Variants in KCNK12 observed in about 807,000 individuals in gnomAD.
KCNK12 encodes the protein potassium channel subfamily K member 12.
Under a neutral mutation model 25.3 loss-of-function variants are expected in KCNK12, and 6 were observed. The observed-to-expected ratio is 0.24, with a 90% CI of 0.13 to 0.47. The LOEUF is 0.47. KCNK12 is among the 20% of genes least tolerant of loss of function. The pLI is 0.99. For missense variants in KCNK12, 444 were observed against 661.7 expected, an observed-to-expected ratio of 0.67 and a Z score of 3.61; for synonymous variants, 331 against 311.1, an observed-to-expected ratio of 1.06 and a Z score of -0.67.
In KCNK12 at chr2:47,569,511, G is replaced by C. The variant is rs1669845439; in HGVS notation, c.391+430C>G. ...AGAAAACAGGGTAAAAGAAGAAAGCGGGGGAGACTATGAAAAGAAATAAAA... is the reference window on the plus strand; with the variant it reads ...AGAAAACAGGGTAAAAGAAGAAAGCCGGGGAGACTATGAAAAGAAATAAAA... On this transcript the variant is annotated intron_variant, in intron 1 of 1. Coordinates refer to ENST00000327876, the MANE Select transcript of KCNK12 (RefSeq NM_022055.2). The surrounding 1 kb of genome is among the most constrained non-coding windows in gnomAD (Gnocchi z 4.1). Among the ~76,000 whole-genome samples the C allele has an allele frequency of 6.6e-6, 1 of 152,080 alleles. No homozygotes were observed. The highest frequency in any genetic ancestry group is 1.5e-5 in the Non-Finnish European group (1 of 68,010).
In KCNK12 at chr2:47,528,536, G is replaced by A. The variant is rs1030285409; in HGVS notation, c.392-6728C>T. 9.2e-5 allele frequency among the ~76,000 whole-genome samples: 14 copies of A among 152,170 alleles called. No homozygotes were observed. Among genetic ancestry groups the A allele is most frequent in the African/African-American group, 3.1e-4 (13 of 41,448 alleles). On this transcript the variant is annotated intron_variant, in intron 1 of 1. Coordinates refer to ENST00000327876, the MANE Select transcript of KCNK12 (RefSeq NM_022055.2). The surrounding 1 kb of genome is among the most constrained non-coding windows in gnomAD (Gnocchi z 4.5). ...TGGGGAGCCAAGCTGCTCTGGAGAG[G>A]GGCCTCAAAGCTTCAGCCAGAGAAA...
rs1668359913 is a variant in KCNK12, at chr2:47,509,944, T to C, written c.*10963A>G. 1 of 152,180 alleles carries C rather than the reference T, an allele frequency of 6.6e-6. No individual in the cohort carries two copies. The highest frequency in any genetic ancestry group is 6.5e-5 in the Admixed American group (1 of 15,274). The allele number at this position is 152,180 out of a possible 1,614,324, so 9.4% of individuals were successfully genotyped here. A position where few individuals can be genotyped will look rare whatever the true frequency, so the allele number is the denominator to read the frequency against. ...GGGGAGGCAGCAGGAACTGTAGGCA[T>C]TCTCACTTCACACCCATCCCAATCC... is the stretch of plus-strand genomic sequence containing the variant. On this transcript the variant is annotated 3_prime_UTR_variant, in exon 2 of 2. Coordinates refer to ENST00000327876, the MANE Select transcript of KCNK12 (RefSeq NM_022055.2).
chr2:47,537,336 CTT>C (rs5830962), intron 1 of KCNK12, among the ~76,000 whole-genome samples: 1 of 146,670 alleles, frequency 6.8e-6, no homozygotes. Context: ...GATTTTCTTT[CTT>C]TTTTTTTTTT....
Position 47,511,439 on chromosome 2 carries a change from A to C in KCNK12, c.*9468T>G, listed in dbSNP as rs367587544. ...TTGGACCAATGCTCTCATGTGTGCAAATACATGTATTCTAAAGAAATCTGT... is the reference window on the plus strand; with the variant it reads ...TTGGACCAATGCTCTCATGTGTGCACATACATGTATTCTAAAGAAATCTGT... On this transcript the variant is annotated 3_prime_UTR_variant, in exon 2 of 2. Transcript: ENST00000327876. This position sits in a 1 kb window ranked among gnomAD's most constrained non-coding sequence, Gnocchi z 4.3. Among the ~76,000 whole-genome samples the C allele has an allele frequency of 6.6e-6, 1 of 152,332 alleles. No individual in the cohort carries two copies. The highest frequency in any genetic ancestry group is 6.5e-5 in the Admixed American group (1 of 15,302).
chr2:47,539,305 T>C (rs1266951263), intron 1 of KCNK12, among the ~76,000 whole-genome samples: 1 of 152,228 alleles, frequency 6.6e-6, no homozygotes, highest in Non-Finnish European at 1.5e-5. Flanking sequence ...TGAGGGTGTA[T>C]CAGTTTGTGT....
intron 1 of KCNK12, among the ~76,000 whole-genome samples, chr2:47,552,719 G>A (rs547115814): frequency 6.6e-6 from 1 of 152,032 alleles, no homozygotes; most frequent in African/African-American, 2.4e-5. Flanking sequence ...AGTGAGCAGG[G>A]ATCGCACCAC....
Position 47,525,356 on chromosome 2 carries a change from T to C in KCNK12, c.392-3548A>G, listed in dbSNP as rs571376527. On this transcript the variant is annotated intron_variant, in intron 1 of 1. Transcript: ENST00000327876. The surrounding 1 kb of genome is among the most constrained non-coding windows in gnomAD (Gnocchi z 4.1). ...GAGCAGGGAAGGTCAAGAGGACTTA[T>C]GGAGTGTCAGCAAGAGCCCGGCAGC... 6.6e-6 allele frequency among the ~76,000 whole-genome samples: 1 copy of C among 152,296 alleles called. No individual in the cohort carries two copies. Among genetic ancestry groups the C allele is most frequent in the African/African-American group, 2.4e-5 (1 of 41,562 alleles).
chr2:47,541,225 A>G (rs1402165205), intron 1 of KCNK12, among the ~76,000 whole-genome samples: 51 of 152,128 alleles, frequency 3.4e-4, no homozygotes, highest in Non-Finnish European at 7.4e-5. Context: ...TCGTGTCCAC[A>G]GGAAGCCTGT....
Position 47,512,421 on chromosome 2 carries a change from G to T in KCNK12, c.*8486C>A. The T allele has an allele frequency of 1.2e-6, 2 of 1,608,888 alleles. No individual in the cohort carries two copies. Among genetic ancestry groups the T allele is most frequent in the Non-Finnish European group, 1.7e-6 (2 of 1,178,082 alleles). The stretch of plus-strand genomic sequence containing the variant: ...CCAGAGAGACAGAACCAGGGCAGTG[G>T]TGAGCTCTCATGACCTGGTGTCTGT... On this transcript the variant is annotated 3_prime_UTR_variant, in exon 2 of 2. Coordinates refer to ENST00000327876, the MANE Select transcript of KCNK12 (RefSeq NM_022055.2).
intron 1 of KCNK12, among the ~76,000 whole-genome samples, chr2:47,553,919 G>A (rs1669494714): frequency 6.6e-6 from 1 of 152,198 alleles, no homozygotes; most frequent in Non-Finnish European, 1.5e-5. Context: ...AAGATCTGGG[G>A]TCAGAGAACT....
chr2:47,569,145 C>T lies in KCNK12; in HGVS notation c.391+796G>A, dbSNP rs1199888801. On this transcript the variant is annotated intron_variant, in intron 1 of 1. Coordinates refer to ENST00000327876, the MANE Select transcript of KCNK12 (RefSeq NM_022055.2). This position sits in a 1 kb window ranked among gnomAD's most constrained non-coding sequence, Gnocchi z 4.1. Reference sequence around the variant, plus strand: ...AGCATTCTTCATAAGGTTGAGAAAACGTGAACTGTTTATATCCAAAAAAAG... The same window carrying T: ...AGCATTCTTCATAAGGTTGAGAAAATGTGAACTGTTTATATCCAAAAAAAG... Among the ~76,000 whole-genome samples the T allele has an allele frequency of 6.6e-6, 1 of 151,942 alleles. No homozygotes were observed. Among genetic ancestry groups the T allele is most frequent in the Admixed American group, 6.6e-5 (1 of 15,258 alleles).
Position 47,516,722 on chromosome 2 carries a change from A to G in KCNK12, c.*4185T>C, listed in dbSNP as rs1668532447. ...CTAGCCCCCTCCTGAGAGAACAGAT[A>G]GCATAAAAAATGATTTGTAAAGCAA... On this transcript the variant is annotated 3_prime_UTR_variant, in exon 2 of 2. Transcript: ENST00000327876. The G allele has an allele frequency of 6.6e-6, 1 of 152,258 alleles. No individual in the cohort carries two copies. The highest frequency in any genetic ancestry group is 1.5e-5 in the Non-Finnish European group (1 of 68,064). The allele number at this position is 152,258 out of a possible 1,614,324, so 9.4% of individuals were successfully genotyped here.
At chr2:47,543,617 A>AG (rs1669249007) in intron 1 of KCNK12, 3 of 152,248 alleles carry the variant, frequency 2.0e-5, no homozygotes, top group Admixed American at 2.0e-4. Flanking sequence ...AGAAGGTGAT[A>AG]GGGGGTCTTC....
rs1462532577 is a variant in KCNK12 at position 47,560,879 on chromosome 2, C to G, written c.391+9062G>C. Among the ~76,000 whole-genome samples the G allele has an allele frequency of 6.6e-6, 1 of 152,138 alleles. No homozygotes were observed. Among genetic ancestry groups the G allele is most frequent in the Non-Finnish European group, 1.5e-5 (1 of 68,022 alleles). ...AGATACTGGTGGGCTCTGTGGCCTC[C>G]CCTGGCCCCAGATCCTGTCCTGCTC... On this transcript the variant is annotated intron_variant, in intron 1 of 1. Transcript: ENST00000327876. The surrounding 1 kb of genome is among the most constrained non-coding windows in gnomAD (Gnocchi z 4.7).
rs1668633231 is a variant in KCNK12, at chr2:47,520,771, T to C, written c.*136A>G. 2 of 620,588 alleles carry C rather than the reference T, an allele frequency of 3.2e-6. No individual in the cohort carries two copies. The highest frequency in any genetic ancestry group is 4.4e-5 in the Admixed American group (1 of 22,924). 38.4% of individuals were successfully genotyped at this position (620,588 alleles called of 1,614,324 possible). A position where few individuals can be genotyped will look rare whatever the true frequency, so the allele number is the denominator to read the frequency against. On this transcript the variant is annotated 3_prime_UTR_variant, in exon 2 of 2. Transcript: ENST00000327876. The surrounding 1 kb of genome is among the most constrained non-coding windows in gnomAD (Gnocchi z 5.0). ...TAACATCAGGCCTGGCCAAATAGTA[T>C]TTCTTTAAAAAAATTTTTTTTGTTT...
chr2:47,525,193 A>AC lies in KCNK12; in HGVS notation c.392-3386dup. ...AGGTCTGGGGCTAGCAACCCCCCAC[A>AC]CCCCCACCTCCAGGCTGTACGGAAA... On this transcript the variant is annotated intron_variant, in intron 1 of 1. Coordinates refer to ENST00000327876, the MANE Select transcript of KCNK12 (RefSeq NM_022055.2). This position sits in a 1 kb window ranked among gnomAD's most constrained non-coding sequence, Gnocchi z 4.1. Among the ~76,000 whole-genome samples the AC allele has an allele frequency of 6.6e-6, 1 of 151,990 alleles. No homozygotes were observed. The highest frequency in any genetic ancestry group is 1.9e-4 in the East Asian group (1 of 5,196).
At chr2:47,563,658 TC>T (rs1669730562) in intron 1 of KCNK12, 1 of 232,978 alleles carries the variant, frequency 4.3e-6, no homozygotes, top group African/African-American at 2.2e-5. Context: ...GGCCCACTGG[TC>T]CGGACTCCAG....
rs753090154 is a variant in KCNK12, at chr2:47,521,309, G to T, written c.891C>A (p.Val297=). Residue 297 remains valine (V), a synonymous_variant, in exon 2 of 2, where the codon GTC becomes GTA. Transcript: ENST00000327876. ...GCACCTGCTTGATGAGGATGGAGAT[G>T]ACGTTGAAGAGCGAGTAAATGCAGC... ...GVCCIYSLFN[V]ISILIKQVLN... 34 of 1,613,244 alleles carry T rather than the reference G, an allele frequency of 2.1e-5. No individual in the cohort carries two copies. Among genetic ancestry groups the T allele is most frequent in the Non-Finnish European group, 2.9e-5 (34 of 1,179,824 alleles).
At chr2:47,546,518 G>A (rs1413044895) in intron 1 of KCNK12, among the ~76,000 whole-genome samples, 9 of 152,200 alleles carry the variant, frequency 5.9e-5, no homozygotes, top group Non-Finnish European at 1.3e-4. Flanking sequence ...TTAGACAGGT[G>A]TGGTAGCGAG....
Sources: gnomAD v4.1 joint callset for allele counts (sites outside exome capture counted in the v4.1 genomes callset) on GRCh38, gnomAD v4.1.1 for gene constraint, Gnocchi (gnomAD v3.1) non-coding constraint, MANE v1.5 for transcripts, NCBI Gene and HGNC (gene_info 2026-07-23, HGNC 2026-07-21) for gene names.